NQO2: variants seen among roughly 807,000 people sequenced by gnomAD.
NQO2 encodes the protein N-ribosyldihydronicotinamide:quinone dehydrogenase 2.
In NQO2, 18 loss-of-function variants were observed where a neutral mutation model predicts 22.0. That is an observed-to-expected ratio of 0.82 (90% CI 0.56 to 1.21). NQO2 has a LOEUF of 1.21. Among genes scored for constraint, NQO2 ranks in the 50% most tolerant of loss-of-function variants. NQO2 has a pLI of 0.00. For synonymous variants in NQO2, 106 were observed against 110.8 expected, an observed-to-expected ratio of 0.96 and a Z score of 0.28; for missense variants, 267 against 286.9, an observed-to-expected ratio of 0.93 and a Z score of 0.50.
At position 3,010,034 on chromosome 6, in the gene NQO2, T is replaced by C; in HGVS notation, c.17T>C (p.Val6Ala). 6.2e-7 allele frequency: 1 copy of C among 1,612,058 alleles called. No individual in the cohort carries two copies. The highest frequency in any genetic ancestry group is 2.2e-5 in the East Asian group (1 of 44,860). Reference sequence around the variant, plus strand: ...TCTTATCCTGATTTAGGTAAGAAAGTACTCATTGTCTATGCACACCAGGAA... The same window carrying C: ...TCTTATCCTGATTTAGGTAAGAAAGCACTCATTGTCTATGCACACCAGGAA... MAGKKVLIVYAHQEPK... is the reference protein window; with the variant it reads MAGKKALIVYAHQEPK... Residue 6 changes from valine to alanine, a missense_variant, in exon 3 of 7, where the codon GTA becomes GCA. Val to Ala is a moderately conservative substitution (Grantham distance 64, BLOSUM62 0). Transcript: ENST00000380455.
intron 4 of NQO2, among the ~76,000 whole-genome samples, chr6:3,013,112 C>CA (rs1757203105): frequency 6.6e-6 from 1 of 151,756 alleles, no homozygotes; most frequent in Admixed American, 6.6e-5. Flanking sequence ...CCCGCCACCA[C>CA]GCCCGGCTAG....
chr6:3,016,978 C>A lies in NQO2; in HGVS notation c.512C>A (p.Pro171Gln), dbSNP rs1048800253. The A allele has an allele frequency of 1.2e-6, 2 of 1,613,718 alleles. No individual in the cohort carries two copies. The highest frequency in any genetic ancestry group is 1.7e-6 in the Non-Finnish European group (2 of 1,179,968). ...GGAGATTCTCGATACTTCCTGTGGCCACTCCAGGTAGACCAGCTGCGAGTG... is the reference window on the plus strand; with the variant it reads ...GGAGATTCTCGATACTTCCTGTGGCAACTCCAGGTAGACCAGCTGCGAGTG... ...VNGDSRYFLW[P>Q]LQHGTLHFCG... The change falls in exon 6 of 7, where the codon CCA becomes CAA. Residue 171 changes from proline (P) to glutamine (Q), a missense_variant. Pro to Gln is a moderately conservative substitution (Grantham distance 76). Coordinates refer to ENST00000380455, the MANE Select transcript of NQO2 (RefSeq NM_000904.6).
intron 4 of NQO2, among the ~76,000 whole-genome samples, chr6:3,013,206 C>T (rs904109448): frequency 1.3e-5 from 2 of 151,056 alleles, no homozygotes; most frequent in Admixed American, 6.6e-5. Flanking sequence ...CCACCCGCCT[C>T]GGCCTCCCAA....
At chr6:3,005,389 G>A (rs972245475) in intron 1 of NQO2, among the ~76,000 whole-genome samples, 13 of 152,262 alleles carry the variant, frequency 8.5e-5, no homozygotes, top group African/African-American at 2.9e-4. Context: ...CAACTTCTCC[G>A]CATCCTCACC....
intron 1 of NQO2, among the ~76,000 whole-genome samples, chr6:3,002,609 G>C (rs142913495): frequency 6.6e-6 from 1 of 151,546 alleles, no homozygotes; most frequent in Non-Finnish European, 1.5e-5. Context: ...CACAACTGGC[G>C]ATCATTCCAT....
At chr6:3,005,706 G>A in intron 1 of NQO2, 2 of 985,358 alleles carry the variant, frequency 2.0e-6, no homozygotes, top group African/African-American at 3.5e-5. Context: ...GGCCAGGAGG[G>A]GGTGAGGCCA....
At chr6:3,018,995 A>G (rs775426656) in intron 6 of NQO2, among the ~76,000 whole-genome samples, 1 of 152,170 alleles carries the variant, frequency 6.6e-6, no homozygotes, top group Non-Finnish European at 1.5e-5. Context: ...TCTCACATAC[A>G]TAATTTTTAT....
chr6:3,000,009 G>C lies in NQO2; in HGVS notation c.-162G>C, dbSNP rs943864465. On this transcript the variant is annotated 5_prime_UTR_variant, in exon 1 of 7. Coordinates refer to ENST00000380455, the MANE Select transcript of NQO2 (RefSeq NM_000904.6). ...CGGTCCAGTGCGGCCGGAACCTGGCGCAACTCCTAGAGCGGTCCTTGGGGA... is the reference window on the plus strand; with the variant it reads ...CGGTCCAGTGCGGCCGGAACCTGGCCCAACTCCTAGAGCGGTCCTTGGGGA... 1.3e-5 allele frequency: 2 copies of C among 152,358 alleles called. No individual in the cohort carries two copies. Among genetic ancestry groups the C allele is most frequent in the Non-Finnish European group, 2.9e-5 (2 of 68,154 alleles). 9.4% of individuals were successfully genotyped at this position (152,358 alleles called of 1,614,324 possible).
At chr6:3,009,965 C>T in intron 2 of NQO2, 60 bp from the exon 3 acceptor site, 3 of 1,537,458 alleles carry the variant, frequency 2.0e-6, no homozygotes, top group Non-Finnish European at 2.6e-6. Flanking sequence ...TCTTAGTCTT[C>T]ATTGAATTTA....
At chr6:3,017,074 A>T in intron 6 of NQO2, 89 bp downstream of exon 6, 1 of 1,466,468 alleles carries the variant, frequency 6.8e-7, no homozygotes, top group Non-Finnish European at 9.3e-7. Flanking sequence ...ACACACGCAC[A>T]CACATACATG....
chr6:3,016,439 A>T (rs1228228090), intron 5 of NQO2, among the ~76,000 whole-genome samples: 1 of 151,908 alleles, frequency 6.6e-6, no homozygotes, highest in Non-Finnish European at 1.5e-5. Flanking sequence ...TCAAAAAAAA[A>T]AAAAAAAAAA....
rs181624213 is a variant in NQO2, at chr6:3,012,319, T to C, written c.173-225T>C. On this transcript the variant is annotated intron_variant, in intron 3 of 6. Transcript: ENST00000380455. ...CACCAGTTGTTATGAAGAAAGGTGA[T>C]GTGTGTAGAGCACAGCACCTGCTAG... is the stretch of plus-strand genomic sequence containing the variant. The C allele has an allele frequency of 2.2e-4, 189 of 869,180 alleles. No individual in the cohort carries two copies. In the African/African-American group the frequency reaches 3.3e-3, roughly 15 times the overall value. 53.8% of individuals were successfully genotyped at this position (869,180 alleles called of 1,614,324 possible). A position where few individuals can be genotyped will look rare whatever the true frequency, so the allele number is the denominator to read the frequency against.
Position 3,006,622 on chromosome 6 carries a change from C to T in NQO2, c.7+63C>T. 1 of 1,501,122 alleles carries T rather than the reference C, an allele frequency of 6.7e-7. No individual in the cohort carries two copies. Among genetic ancestry groups the T allele is most frequent in the Non-Finnish European group, 8.9e-7 (1 of 1,117,676 alleles). 93.0% of individuals were successfully genotyped at this position (1,501,122 alleles called of 1,614,324 possible). ...TTTGAGATGGGATTTTGTTGTATTG[C>T]CCAGGCTGGTCTCAAACTCCTGAGC... is the stretch of plus-strand genomic sequence containing the variant. On this transcript the variant is annotated intron_variant, in intron 2 of 6. Transcript: ENST00000380455. This position sits in a 1 kb window ranked among gnomAD's most constrained non-coding sequence, Gnocchi z 4.0.
At chr6:3,000,610 C>T (rs955496540) in intron 1 of NQO2, among the ~76,000 whole-genome samples, 6 of 151,382 alleles carry the variant, frequency 4.0e-5, no homozygotes, top group South Asian at 4.2e-4. Flanking sequence ...GGCACGATTT[C>T]GGCTCACTGC....
At chr6:3,002,093 A>G (rs1257905698) in intron 1 of NQO2, 2 of 403,290 alleles carry the variant, frequency 5.0e-6, no homozygotes. Context: ...CACCAGCCAT[A>G]TGATGTAAAC....
At chr6:3,003,123 G>C (rs1211089952) in intron 1 of NQO2, among the ~76,000 whole-genome samples, 2 of 152,168 alleles carry the variant, frequency 1.3e-5, no homozygotes, top group Non-Finnish European at 2.9e-5. Flanking sequence ...CTGTCCACCA[G>C]GGCACTGTAG....
Position 3,015,383 on chromosome 6 carries a change from A to G in NQO2, c.304-147A>G, listed in dbSNP as rs1757287358. On this transcript the variant is annotated intron_variant, in intron 4 of 6. Coordinates refer to ENST00000380455, the MANE Select transcript of NQO2 (RefSeq NM_000904.6). ...GTCTGACACCCACACTGCACCTTTC[A>G]GAGCTGACCATAAGGGTTACCCTCA... The G allele has an allele frequency of 5.5e-6, 8 of 1,466,690 alleles. No homozygotes were observed. The Admixed American group carries it at 1.9e-4, about 34-fold the overall frequency. The allele number at this position is 1,466,690 out of a possible 1,614,324, so 90.9% of individuals were successfully genotyped here. A position where few individuals can be genotyped will look rare whatever the true frequency, so the allele number is the denominator to read the frequency against.
At chr6:3,005,872 G>A (rs1331453529) in intron 1 of NQO2, 2 of 920,572 alleles carry the variant, frequency 2.2e-6, no homozygotes, top group East Asian at 1.2e-4. Context: ...GTGCTGCAGG[G>A]CCCACAGCTA....
chr6:3,010,441 C>T (rs1280239382), intron 3 of NQO2, among the ~76,000 whole-genome samples: 2 of 151,766 alleles, frequency 1.3e-5, no homozygotes, highest in African/African-American at 2.4e-5. Context: ...ATCATATCCA[C>T]GACACCCCTC....
Sources: allele counts gnomAD v4.1 joint callset (sites outside exome capture counted in the v4.1 genomes callset), GRCh38; gene constraint gnomAD v4.1.1; non-coding constraint Gnocchi (gnomAD v3.1); transcripts MANE v1.5; gene names NCBI Gene and HGNC (gene_info 2026-07-23, HGNC 2026-07-21).